MAN1C1: variants seen among roughly 807,000 people sequenced by gnomAD.
MAN1C1 encodes mannosyl-oligosaccharide 1,2-alpha-mannosidase IC.
Under a neutral mutation model 71.5 loss-of-function variants are expected in MAN1C1, and 49 were observed. That is an observed-to-expected ratio of 0.69 (90% CI 0.54 to 0.87). The LOEUF is 0.87. Among genes scored for constraint, MAN1C1 ranks in the 40% least tolerant of loss-of-function variants. MAN1C1 has a pLI of 0.00. For missense variants in MAN1C1, 743 were observed against 835.0 expected, an observed-to-expected ratio of 0.89 and a Z score of 1.36; for synonymous variants, 352 against 343.7, an observed-to-expected ratio of 1.02 and a Z score of -0.27.
At chr1:25,682,920 C>G (rs535665378) in intron 1 of MAN1C1, among the ~76,000 whole-genome samples, 4 of 152,114 alleles carry the variant, frequency 2.6e-5, no homozygotes, top group Admixed American at 2.6e-4. Context: ...TGTCTGTAAT[C>G]CCGGCTACTC....
chr1:25,758,676 T>C lies in MAN1C1; in HGVS notation c.1014T>C (p.Thr338=). 6.2e-7 allele frequency: 1 copy of C among 1,614,160 alleles called. No individual in the cohort carries two copies. Among genetic ancestry groups the C allele is most frequent in the East Asian group, 2.2e-5 (1 of 44,878 alleles). Residue 338 remains threonine, a synonymous_variant, in exon 6 of 12, where the codon ACT becomes ACC. Coordinates refer to ENST00000374332, the MANE Select transcript of MAN1C1 (RefSeq NM_020379.4). The stretch of plus-strand genomic sequence containing the variant: ...TGCACTTGGAATTCTTACACCTCAC[T>C]GAACTCTCTGGCAACCAGGTCTTCG... The part of the protein sequence containing the change: ...GSLHLEFLHL[T]ELSGNQVFAE...
Position 25,644,518 on chromosome 1 carries a change from A to ATTTTTTTT in MAN1C1, c.540+26199_540+26206dup, listed in dbSNP as rs1203077345. On this transcript the variant is annotated intron_variant, in intron 1 of 11. Transcript: ENST00000374332. Reference sequence around the variant, plus strand: ...GAGACATATATATATATATATATATATTTTTTTTTTTTTTTTTTTTTTTTT... The same window carrying ATTTTTTTT: ...GAGACATATATATATATATATATATATTTTTTTTTTTTTTTTTTTTTTTTTTTTTTTTT... 1.4e-3 allele frequency: 56 copies of ATTTTTTTT among 40,280 alleles called. 5 individuals are homozygous for ATTTTTTTT. Among genetic ancestry groups the ATTTTTTTT allele is most frequent in the African/African-American group, 4.4e-3 (23 of 5,226 alleles). The allele number at this position is 40,280 out of a possible 1,614,324, so 2.5% of individuals were successfully genotyped here.
At chr1:25,692,020 G>A (rs2046316136) in intron 2 of MAN1C1, among the ~76,000 whole-genome samples, 1 of 152,228 alleles carries the variant, frequency 6.6e-6, no homozygotes, top group South Asian at 2.1e-4. Context: ...ACCCCAGAAG[G>A]GTTCTTTGAT....
chr1:25,625,162 T>G (rs1312180941), intron 1 of MAN1C1, among the ~76,000 whole-genome samples: 3 of 151,934 alleles, frequency 2.0e-5, no homozygotes, highest in Admixed American at 2.0e-4. Flanking sequence ...CCTGCCACCA[T>G]GCCCAGCTAA....
At chr1:25,748,068 C>G (rs2124340843) in intron 3 of MAN1C1, among the ~76,000 whole-genome samples, 1 of 152,080 alleles carries the variant, frequency 6.6e-6, no homozygotes, top group East Asian at 1.9e-4. Flanking sequence ...AAGGAGTGTC[C>G]CCATAGGCCT....
At position 25,735,284 on chromosome 1, in the gene MAN1C1, G is replaced by T. The variant is rs972366422; in HGVS notation, c.638-11384G>T. On this transcript the variant is annotated intron_variant, in intron 2 of 11. Transcript: ENST00000374332. This position sits in a 1 kb window ranked among gnomAD's most constrained non-coding sequence, Gnocchi z 4.6. ...AACACAAAAATTAGCCGGGCATGCT[G>T]ACGCATGCCTGTAATCCCAGCTACT... is the stretch of plus-strand genomic sequence containing the variant. Among the ~76,000 whole-genome samples the T allele has an allele frequency of 1.3e-5, 2 of 152,180 alleles. No homozygotes were observed. Among genetic ancestry groups the T allele is most frequent in the Non-Finnish European group, 2.9e-5 (2 of 68,038 alleles).
At chr1:25,638,182 A>G (rs140664984) in intron 1 of MAN1C1, among the ~76,000 whole-genome samples, 3 of 152,222 alleles carry the variant, frequency 2.0e-5, no homozygotes, top group Non-Finnish European at 4.4e-5. Context: ...CGTTATACGC[A>G]TACACACACA....
chr1:25,679,156 AGTG>A (rs2046110390), intron 1 of MAN1C1, among the ~76,000 whole-genome samples: 1 of 152,216 alleles, frequency 6.6e-6, no homozygotes, highest in African/African-American at 2.4e-5. Context: ...GTGACCCAGA[AGTG>A]GGAGAAGCGG....
At chr1:25,661,742 CAG>C (rs1297527758) in intron 1 of MAN1C1, among the ~76,000 whole-genome samples, 1 of 152,202 alleles carries the variant, frequency 6.6e-6, no homozygotes, top group African/African-American at 2.4e-5. Context: ...TAATTGTTCT[CAG>C]TGCTGTGTGT....
intron 3 of MAN1C1, among the ~76,000 whole-genome samples, chr1:25,748,554 G>A (rs1167794961): frequency 6.6e-6 from 1 of 152,180 alleles, no homozygotes; most frequent in African/African-American, 2.4e-5. Context: ...AATGGGGCAG[G>A]GAAAGGCTGC....
chr1:25,779,051 G>A lies in MAN1C1; in HGVS notation c.1477+727G>A, dbSNP rs746195388. Among the ~76,000 whole-genome samples the A allele has an allele frequency of 2.0e-5, 3 of 152,106 alleles. No individual in the cohort carries two copies. Among genetic ancestry groups the A allele is most frequent in the Admixed American group, 1.3e-4 (2 of 15,280 alleles). ...TCTGATGCCTGGTTCCACCCCGTGC[G>A]CAAACTGCACCCCTCAGAAAAATCC... is the stretch of plus-strand genomic sequence containing the variant. On this transcript the variant is annotated intron_variant, in intron 9 of 11. Coordinates refer to ENST00000374332, the MANE Select transcript of MAN1C1 (RefSeq NM_020379.4). The surrounding 1 kb of genome is among the most constrained non-coding windows in gnomAD (Gnocchi z 4.6).
chr1:25,778,048 C>A lies in MAN1C1; in HGVS notation c.1258-57C>A, dbSNP rs1039303151. ...ATGTTCATTTTCCATCCTTTCCCCCCCTTCTCTGTGCCCTCCCACGCCCCT... is the reference window on the plus strand; with the variant it reads ...ATGTTCATTTTCCATCCTTTCCCCCACTTCTCTGTGCCCTCCCACGCCCCT... On this transcript the variant is annotated intron_variant, in intron 8 of 11. Coordinates refer to ENST00000374332, the MANE Select transcript of MAN1C1 (RefSeq NM_020379.4). This position sits in a 1 kb window ranked among gnomAD's most constrained non-coding sequence, Gnocchi z 5.5. 5.5e-5 allele frequency: 72 copies of A among 1,308,526 alleles called. No individual in the cohort carries two copies. The highest frequency in any genetic ancestry group is 4.9e-4 in the African/African-American group (33 of 67,640). The allele number at this position is 1,308,526 out of a possible 1,614,324, so 81.1% of individuals were successfully genotyped here. A position where few individuals can be genotyped will look rare whatever the true frequency, so the allele number is the denominator to read the frequency against.
rs978415673 is a variant in MAN1C1 at position 25,769,046 on chromosome 1, CCA to C, written c.1142-2603_1142-2602del. On this transcript the variant is annotated intron_variant, in intron 7 of 11. Coordinates refer to ENST00000374332, the MANE Select transcript of MAN1C1 (RefSeq NM_020379.4). This position sits in a 1 kb window ranked among gnomAD's most constrained non-coding sequence, Gnocchi z 4.8. ...CACACACTACACACCACCCACACTC[CCA>C]CACACACTACACACCACCCACACTC... Among the ~76,000 whole-genome samples the C allele has an allele frequency of 2.0e-5, 3 of 146,682 alleles. No homozygotes were observed. The highest frequency in any genetic ancestry group is 7.6e-5 in the African/African-American group (3 of 39,568).
In MAN1C1 at chr1:25,778,161, G is replaced by C; in HGVS notation, c.1314G>C (p.Glu438Asp). ...CCGGGGGGCTGACCTACATTGCCGA[G>C]TGGCGAGGGGGGATTCTGGACCACA... ...VSPGGLTYIA[E>D]WRGGILDHKM... The change falls in exon 9 of 12, where the codon GAG becomes GAC. Residue 438 changes from glutamate (E) to aspartate (D), a missense_variant. Physicochemically the swap from Glu to Asp is conservative, Grantham distance 45. Transcript: ENST00000374332. This position sits in a 1 kb window ranked among gnomAD's most constrained non-coding sequence, Gnocchi z 5.5. The C allele has an allele frequency of 6.2e-7, 1 of 1,606,446 alleles. No individual in the cohort carries two copies. Among genetic ancestry groups the C allele is most frequent in the Non-Finnish European group, 8.5e-7 (1 of 1,175,392 alleles).
intron 1 of MAN1C1, among the ~76,000 whole-genome samples, chr1:25,670,967 C>A (rs1051578727): frequency 1.3e-5 from 2 of 152,198 alleles, no homozygotes; most frequent in African/African-American, 4.8e-5. Flanking sequence ...ACCACCACTT[C>A]CTGGGCTCAA....
intron 2 of MAN1C1, among the ~76,000 whole-genome samples, chr1:25,722,447 A>C (rs973359582): frequency 1.3e-5 from 2 of 152,000 alleles, no homozygotes; most frequent in South Asian, 2.1e-4. Flanking sequence ...TCTGTTTTCT[A>C]TCTGTCTCTT....
chr1:25,687,941 T>C (rs1395259164), intron 2 of MAN1C1, among the ~76,000 whole-genome samples: 1 of 152,248 alleles, frequency 6.6e-6, no homozygotes, highest in Non-Finnish European at 1.5e-5. Flanking sequence ...TACCATTTTA[T>C]GTCCTTTCTG....
At chr1:25,745,808 T>C (rs760118735) in intron 2 of MAN1C1, among the ~76,000 whole-genome samples, 1 of 151,488 alleles carries the variant, frequency 6.6e-6, no homozygotes, top group Non-Finnish European at 1.5e-5. Context: ...TTGGCCAACA[T>C]GGTGAAACCC....
At chr1:25,633,347 T>C (rs1224171346) in intron 1 of MAN1C1, among the ~76,000 whole-genome samples, 2 of 152,200 alleles carry the variant, frequency 1.3e-5, no homozygotes, top group Non-Finnish European at 2.9e-5. Flanking sequence ...ATTATTTCTT[T>C]GTTGATGTTT....
Sources: gnomAD v4.1 joint callset for allele counts (sites outside exome capture counted in the v4.1 genomes callset) on GRCh38, gnomAD v4.1.1 for gene constraint, Gnocchi (gnomAD v3.1) non-coding constraint, MANE v1.5 for transcripts, NCBI Gene and HGNC (gene_info 2026-07-23, HGNC 2026-07-21) for gene names.